The following ZNF609 variants were observed in gnomAD, a reference collection of about 807,000 sequenced individuals.
ZNF609 encodes the protein zinc finger protein 609.
In ZNF609, 11 loss-of-function variants were observed where a neutral mutation model predicts 109.5. That is an observed-to-expected ratio of 0.10 (90% CI 0.06 to 0.17). The LOEUF is 0.17. Ranked by LOEUF, ZNF609 falls within the 10% of genes least tolerant of loss-of-function variation. The probability of loss-of-function intolerance (pLI) is 1.00; values close to 1 mark genes in which losing one functional copy is unlikely to be tolerated. For synonymous variants in ZNF609, 646 were observed against 662.0 expected (o/e 0.98, Z 0.37); for missense variants, 1,559 against 1,772.4 (o/e 0.88, Z 2.16).
chr15:64,633,655 A>C (rs1427145029), intron 3 of ZNF609, among the ~76,000 whole-genome samples: 1 of 152,182 alleles, frequency 6.6e-6, no homozygotes, highest in Non-Finnish European at 1.5e-5. Context: ...ACAGTGGCAG[A>C]GTTGAGAAGC....
intron 2 of ZNF609, among the ~76,000 whole-genome samples, chr15:64,596,402 A>G (rs966547231): frequency 4.6e-5 from 7 of 152,078 alleles, no homozygotes; most frequent in African/African-American, 1.7e-4. Flanking sequence ...GATCTGGCCA[A>G]CTCAGCCTCC....
At chr15:64,677,960 T>C (rs1426007346) in intron 5 of ZNF609, among the ~76,000 whole-genome samples, 156 bp from the exon 6 acceptor site, 1 of 151,670 alleles carries the variant, frequency 6.6e-6, no homozygotes, top group East Asian at 1.9e-4. Flanking sequence ...GGGAGCAGAG[T>C]TGGATTATAA....
chr15:64,539,366 C>G (rs900218471), intron 2 of ZNF609, among the ~76,000 whole-genome samples: 3 of 151,940 alleles, frequency 2.0e-5, no homozygotes, highest in Admixed American at 6.6e-5. Context: ...CGCCACCACG[C>G]CCGGCTAATT....
chr15:64,500,717 C>A, intron 2 of ZNF609: 1 of 399,968 alleles, frequency 2.5e-6, no homozygotes, highest in Non-Finnish European at 4.5e-6. Flanking sequence ...ATTTTGAGGG[C>A]AAGAGGTACT....
At chr15:64,644,437 A>G (rs1024979602) in intron 3 of ZNF609, among the ~76,000 whole-genome samples, 2 of 152,244 alleles carry the variant, frequency 1.3e-5, no homozygotes, top group African/African-American at 4.8e-5. Flanking sequence ...ACAGTGAGCT[A>G]TGATCACATC....
At chr15:64,572,878 A>T (rs1894879171) in intron 2 of ZNF609, among the ~76,000 whole-genome samples, 1 of 152,136 alleles carries the variant, frequency 6.6e-6, no homozygotes, top group African/African-American at 2.4e-5. Flanking sequence ...TCCAGCCTGG[A>T]CAACAAGAGC....
chr15:64,539,987 G>A (rs1486347008), intron 2 of ZNF609, among the ~76,000 whole-genome samples: 2 of 152,160 alleles, frequency 1.3e-5, no homozygotes, highest in African/African-American at 4.8e-5. Flanking sequence ...GCCCAGGCTG[G>A]TCTCGCACTC....
chr15:64,495,959 C>T (rs554967469), intron 1 of ZNF609, among the ~76,000 whole-genome samples: 32 of 152,116 alleles, frequency 2.1e-4, no homozygotes, highest in Admixed American at 5.2e-4. Flanking sequence ...AGTGGGATTA[C>T]AGGCACATGC....
intron 2 of ZNF609, among the ~76,000 whole-genome samples, chr15:64,535,364 C>T (rs1033497311): frequency 2.0e-5 from 3 of 152,098 alleles, no homozygotes; most frequent in South Asian, 2.1e-4. Context: ...TAAATTGAAT[C>T]GTACCATATG....
chr15:64,658,273 C>T (rs1896519989), intron 3 of ZNF609, among the ~76,000 whole-genome samples: 1 of 152,118 alleles, frequency 6.6e-6, no homozygotes, highest in South Asian at 2.1e-4. Context: ...TCTCGGCTCA[C>T]CGCAACCTCC....
At chr15:64,592,881 C>G (rs1237825370) in intron 2 of ZNF609, 4 of 652,458 alleles carry the variant, frequency 6.1e-6, no homozygotes, top group Non-Finnish European at 1.1e-5. Context: ...CCACTGCACC[C>G]CAGCCTGGGC....
intron 2 of ZNF609, among the ~76,000 whole-genome samples, chr15:64,590,889 A>T (rs1478276463): frequency 6.6e-6 from 1 of 152,164 alleles, no homozygotes; most frequent in Non-Finnish European, 1.5e-5. Context: ...AAAGACAAAT[A>T]GGTTCAAAAG....
At chr15:64,580,865 T>A (rs886234483) in intron 2 of ZNF609, among the ~76,000 whole-genome samples, 9 of 152,042 alleles carry the variant, frequency 5.9e-5, no homozygotes, top group Middle Eastern at 3.4e-3. Context: ...AATATCTTAA[T>A]TTTTCCTTGT....
chr15:64,670,521 T>G (rs2141011484), intron 4 of ZNF609, 88 bp downstream of exon 4: 1 of 1,131,398 alleles, frequency 8.8e-7, no homozygotes, highest in East Asian at 2.4e-5. Context: ...GAGTTGTACA[T>G]CCAGCTTTTA....
intron 2 of ZNF609, among the ~76,000 whole-genome samples, chr15:64,534,434 C>A (rs1195683653): frequency 6.6e-6 from 1 of 152,154 alleles, no homozygotes; most frequent in Non-Finnish European, 1.5e-5. Context: ...CCTGCCTCAG[C>A]CTCCCAAGTA....
At chr15:64,506,509 T>A (rs1262390851) in intron 2 of ZNF609, among the ~76,000 whole-genome samples, 2 of 150,628 alleles carry the variant, frequency 1.3e-5, no homozygotes, top group African/African-American at 4.9e-5. Flanking sequence ...TCACCTGAGG[T>A]CGGGAGTTCG....
At chr15:64,617,643 G>A (rs1393591440) in intron 2 of ZNF609, among the ~76,000 whole-genome samples, 2 of 151,200 alleles carry the variant, frequency 1.3e-5, no homozygotes, top group Non-Finnish European at 2.9e-5. Context: ...AGCCAGGCAT[G>A]GTGGTGGGAG....
chr15:64,667,440 G>A (rs1313415592), intron 3 of ZNF609, among the ~76,000 whole-genome samples: 1 of 152,148 alleles, frequency 6.6e-6, no homozygotes, highest in Non-Finnish European at 1.5e-5. Flanking sequence ...TGGGTGTGGT[G>A]GCTAACACCT....
intron 1 of ZNF609, among the ~76,000 whole-genome samples, chr15:64,491,398 C>A (rs937366397): frequency 6.6e-6 from 1 of 152,228 alleles, no homozygotes; most frequent in Non-Finnish European, 1.5e-5. Flanking sequence ...ACCTTCTCAG[C>A]AACTTTGTTG....
Sources: gnomAD v4.1 joint callset for allele counts (sites outside exome capture counted in the v4.1 genomes callset) on GRCh38, gnomAD v4.1.1 for gene constraint, MANE v1.5 for transcripts, NCBI Gene and HGNC (gene_info 2026-07-23, HGNC 2026-07-21) for gene names.